TBC1D14: variants seen among roughly 807,000 people sequenced by gnomAD.
TBC1D14 encodes TBC1 domain family, member 14.
Under a neutral mutation model 79.0 loss-of-function variants are expected in TBC1D14, and 26 were observed. The ratio of observed to expected loss-of-function variants is 0.33; its 90% CI spans 0.24 to 0.46. The LOEUF (loss-of-function observed/expected upper bound fraction) is 0.46. Among genes scored for constraint, TBC1D14 ranks in the 20% least tolerant of loss-of-function variants. The pLI is 1.00. For synonymous variants in TBC1D14, 394 were observed against 349.9 expected (o/e 1.13, Z -1.40); for missense variants, 769 against 887.6 (o/e 0.87, Z 1.70).
chr4:6,965,163 T>C (rs1405706097), intron 2 of TBC1D14, among the ~76,000 whole-genome samples: 3 of 9,308 alleles, frequency 3.2e-4, no homozygotes, highest in Non-Finnish European at 0.014. Flanking sequence ...CAATAATCTT[T>C]TTTTTTTTTG....
At chr4:6,932,854 G>A (rs1346860381) in intron 2 of TBC1D14, among the ~76,000 whole-genome samples, 2 of 152,118 alleles carry the variant, frequency 1.3e-5, no homozygotes, top group Non-Finnish European at 2.9e-5. Flanking sequence ...CACACATTTG[G>A]TGGCTTGAAA....
intron 2 of TBC1D14, among the ~76,000 whole-genome samples, chr4:6,930,411 A>G (rs1560253591): frequency 1.3e-5 from 2 of 152,190 alleles, no homozygotes; most frequent in African/African-American, 4.8e-5. Flanking sequence ...GAATCACTGC[A>G]GGTGCCTCCT....
chr4:6,982,386 TGAAAA>T (rs1717459371), intron 3 of TBC1D14, among the ~76,000 whole-genome samples: 1 of 152,178 alleles, frequency 6.6e-6, no homozygotes, highest in South Asian at 2.1e-4. Context: ...ATCACATACT[TGAAAA>T]GACAAAGTTG....
chr4:6,966,356 C>T (rs1485290981), intron 2 of TBC1D14, among the ~76,000 whole-genome samples: 4 of 152,132 alleles, frequency 2.6e-5, no homozygotes, highest in Non-Finnish European at 5.9e-5. Flanking sequence ...TGTGTTAATA[C>T]TACTAGTTGG....
upstream of TBC1D14, chr4:6,909,798 C>A (rs901855040): frequency 6.7e-6 from 1 of 148,416 alleles, no homozygotes; most frequent in Non-Finnish European, 1.5e-5. Flanking sequence ...GGGTGCGCGC[C>A]GCTGTTCGCC....
At chr4:7,007,395 G>A (rs1720310642) in intron 9 of TBC1D14, 1 of 450,980 alleles carries the variant, frequency 2.2e-6, no homozygotes, top group Non-Finnish European at 3.8e-6. Context: ...TCTATTCTTT[G>A]AGCCAGCAGA....
chr4:6,925,621 G>T (rs1273978456), intron 2 of TBC1D14, among the ~76,000 whole-genome samples: 1 of 152,218 alleles, frequency 6.6e-6, no homozygotes, highest in Non-Finnish European at 1.5e-5. Flanking sequence ...TCTCGAATGT[G>T]CTGACAGATA....
At chr4:6,933,281 T>A (rs1168801367) in intron 2 of TBC1D14, among the ~76,000 whole-genome samples, 1 of 3,780 alleles carries the variant, frequency 2.6e-4, no homozygotes, top group Non-Finnish European at 4.8e-4. Context: ...CCCCTCCCCC[T>A]TCCCCTTCCC....
intron 3 of TBC1D14, among the ~76,000 whole-genome samples, chr4:6,968,361 A>G (rs1357819181): frequency 6.6e-6 from 1 of 152,166 alleles, no homozygotes; most frequent in Non-Finnish European, 1.5e-5. Context: ...ATTAATTGCT[A>G]TGGGGATCAT....
intron 2 of TBC1D14, among the ~76,000 whole-genome samples, chr4:6,952,426 G>T (rs946737087): frequency 1.3e-5 from 2 of 152,224 alleles, no homozygotes; most frequent in Non-Finnish European, 2.9e-5. Flanking sequence ...CAGGGATTTT[G>T]TCAGTTTCAT....
intron 2 of TBC1D14, among the ~76,000 whole-genome samples, chr4:6,939,550 G>A (rs1261640337): frequency 1.3e-5 from 2 of 152,124 alleles, no homozygotes; most frequent in Non-Finnish European, 2.9e-5. Context: ...TTATCTGCCC[G>A]AGGACCCGGT....
At chr4:7,017,422 T>C (rs1721394253) in intron 12 of TBC1D14, among the ~76,000 whole-genome samples, 1 of 152,150 alleles carries the variant, frequency 6.6e-6, no homozygotes, top group African/African-American at 2.4e-5. Flanking sequence ...TCTAGAGCTG[T>C]GCACTTTCCC....
At chr4:6,924,363 C>T (rs1310863571) in intron 2 of TBC1D14, among the ~76,000 whole-genome samples, 2 of 152,208 alleles carry the variant, frequency 1.3e-5, no homozygotes, top group African/African-American at 4.8e-5. Context: ...CCTGCTGTGG[C>T]TGTCCCACAG....
In TBC1D14 at chr4:7,006,624, T is replaced by G. The variant is rs1237710928; in HGVS notation, c.1352-8T>G. On this transcript the variant is annotated splice_region_variant and splice_polypyrimidine_tract_variant and intron_variant, in intron 8 of 13. Transcript: ENST00000409757. ...AGGAATGTAATTATTTTTGGCATCT[T>G]TTGACAGATGCTGGTTTTTCAGCAG... 1 of 1,612,698 alleles carries G rather than the reference T, an allele frequency of 6.2e-7. No homozygotes were observed. The highest frequency in any genetic ancestry group is 8.5e-7 in the Non-Finnish European group (1 of 1,178,944).
chr4:6,987,263 G>T (rs1717953562), intron 3 of TBC1D14: 5 of 1,276,672 alleles, frequency 3.9e-6, no homozygotes, highest in Non-Finnish European at 4.9e-6. Context: ...GCCCGCCCGC[G>T]GTCCGGGAGG....
chr4:7,004,373 A>G (rs941200555), intron 7 of TBC1D14, among the ~76,000 whole-genome samples: 6 of 152,182 alleles, frequency 3.9e-5, no homozygotes, highest in African/African-American at 1.4e-4. Context: ...GGTGGGGGCA[A>G]TTGCACCATG....
At chr4:7,024,873 C>A in intron 12 of TBC1D14, 131 bp from the exon 13 acceptor site, 1 of 1,232,808 alleles carries the variant, frequency 8.1e-7, no homozygotes, top group Non-Finnish European at 1.2e-6. Context: ...GAGTGCAGGC[C>A]TGGCCCTGGC....
intron 2 of TBC1D14, among the ~76,000 whole-genome samples, chr4:6,948,402 G>A (rs934471955): frequency 2.0e-5 from 3 of 152,202 alleles, no homozygotes; most frequent in African/African-American, 7.2e-5. Flanking sequence ...GACCCTGGGA[G>A]GTTTTGCATA....
chr4:6,964,922 G>C (rs1715567195), intron 2 of TBC1D14, among the ~76,000 whole-genome samples: 1 of 152,068 alleles, frequency 6.6e-6, no homozygotes, highest in South Asian at 2.1e-4. Flanking sequence ...GGCTCCATTT[G>C]TTCTACTTCT....
Sources: allele counts gnomAD v4.1 joint callset (sites outside exome capture counted in the v4.1 genomes callset), GRCh38; gene constraint gnomAD v4.1.1; transcripts MANE v1.5; gene names NCBI Gene and HGNC (gene_info 2026-07-23, HGNC 2026-07-21).